The following DNAH7 variants were observed in gnomAD, a reference collection of about 807,000 sequenced individuals.
DNAH7 encodes dynein axonemal heavy chain 7, also known as axonemal beta dynein heavy chain 7.
Under a neutral mutation model 444.6 loss-of-function variants are expected in DNAH7, and 397 were observed. That is an observed-to-expected ratio of 0.89 (90% CI 0.82 to 0.97). DNAH7 has a LOEUF of 0.97. Ranked by LOEUF, DNAH7 falls within the 50% of genes least tolerant of loss-of-function variation. The pLI, the probability that DNAH7 is intolerant of heterozygous loss-of-function variation, is 0.00. For missense variants in DNAH7, 4,902 were observed against 4,800.8 expected, an observed-to-expected ratio of 1.02 and a Z score of -0.62; for synonymous variants, 1,636 against 1,624.4, an observed-to-expected ratio of 1.01 and a Z score of -0.17.
Position 195,809,762 on chromosome 2 carries a change from G to A in DNAH7, c.9871C>T (p.Leu3291=). 1 of 1,594,378 alleles carries A rather than the reference G, an allele frequency of 6.3e-7. No homozygotes were observed. The highest frequency in any genetic ancestry group is 1.7e-4 in the Middle Eastern group (1 of 5,984). The part of the protein sequence containing the change: ...LFSFCLTINL[L]LHERAINKAE... ...GTACTGACCGCCCGCTCATGCAGCAGTAGATTTATGGTTAGACAAAAGGAA... is the reference window on the plus strand; with the variant it reads ...GTACTGACCGCCCGCTCATGCAGCAATAGATTTATGGTTAGACAAAAGGAA... Residue 3291 remains leucine (L), a synonymous_variant, in exon 52 of 65, where the codon CTG becomes TTG. Coordinates refer to ENST00000312428, the MANE Select transcript of DNAH7 (RefSeq NM_018897.3).
At chr2:195,747,307 T>A (rs1391808414) in intron 63 of DNAH7, among the ~76,000 whole-genome samples, 3 of 152,080 alleles carry the variant, frequency 2.0e-5, no homozygotes, top group Admixed American at 2.0e-4. Context: ...AGGAAGAAGT[T>A]GAATCTCTGA....
At chr2:195,847,826 C>T (rs146370457) in intron 46 of DNAH7, among the ~76,000 whole-genome samples, 1 of 152,048 alleles carries the variant, frequency 6.6e-6, no homozygotes, top group East Asian at 1.9e-4. Flanking sequence ...ACATGCCCTG[C>T]GAGTGGCTAC....
intron 54 of DNAH7, among the ~76,000 whole-genome samples, chr2:195,801,246 T>C (rs1466461491): frequency 1.3e-5 from 2 of 152,126 alleles, no homozygotes; most frequent in African/African-American, 4.8e-5. Context: ...CTAATTTCAA[T>C]TTCTCGTCTA....
intron 21 of DNAH7, among the ~76,000 whole-genome samples, chr2:195,932,696 G>T (rs1214736573): frequency 6.6e-6 from 1 of 152,032 alleles, no homozygotes; most frequent in East Asian, 1.9e-4. Flanking sequence ...TTTGTCGTTG[G>T]TTCTGTTTAT....
intron 10 of DNAH7, among the ~76,000 whole-genome samples, chr2:196,008,608 T>C (rs1447246092): frequency 6.6e-6 from 1 of 152,204 alleles, no homozygotes; most frequent in African/African-American, 2.4e-5. Flanking sequence ...CATGAGAAGA[T>C]ATGACATATT....
intron 2 of DNAH7, among the ~76,000 whole-genome samples, chr2:196,051,628 G>T (rs113939696): frequency 4.8e-4 from 73 of 152,114 alleles, no homozygotes; most frequent in African/African-American, 1.7e-3. Context: ...TTAGCCGGGC[G>T]TGGTGGTGGG....
intron 10 of DNAH7, among the ~76,000 whole-genome samples, chr2:196,005,170 A>G (rs1056255817): frequency 6.6e-6 from 1 of 151,846 alleles, no homozygotes; most frequent in Non-Finnish European, 1.5e-5. Context: ...GCTACTCAGG[A>G]GGCTGAGGTG....
Position 195,923,665 on chromosome 2 carries a change from G to A in DNAH7, c.3755C>T (p.Ser1252Leu). The change falls in exon 23 of 65, where the codon TCA becomes TTA. Residue 1252 changes from serine (S) to leucine (L), a missense_variant. By Grantham distance (145) the Ser-to-Leu change is moderately radical. Coordinates refer to ENST00000312428, the MANE Select transcript of DNAH7 (RefSeq NM_018897.3). The part of the protein sequence containing the change: ...LDVHARDVLS[S>L]LVKKNISDDS... ...ATCGCTAATATTTTTTTTTACAAGTGATGAGAGGACATCTCTAGCATGGAC... is the reference window on the plus strand; with the variant it reads ...ATCGCTAATATTTTTTTTTACAAGTAATGAGAGGACATCTCTAGCATGGAC... 1 of 1,614,056 alleles carries A rather than the reference G, an allele frequency of 6.2e-7. No homozygotes were observed. The highest frequency in any genetic ancestry group is 8.5e-7 in the Non-Finnish European group (1 of 1,179,994).
chr2:195,861,135 T>C (rs1699992106), intron 42 of DNAH7, among the ~76,000 whole-genome samples: 1 of 152,176 alleles, frequency 6.6e-6, no homozygotes, highest in South Asian at 2.1e-4. Flanking sequence ...TGTTCCAAAC[T>C]TCCTACTTTC....
chr2:195,903,403 T>A lies in DNAH7; in HGVS notation c.4336-2909A>T, dbSNP rs984550095. 2.0e-5 allele frequency: 3 copies of A among 152,150 alleles called. No individual in the cohort carries two copies. The East Asian group carries it at 5.8e-4, about 29-fold the overall frequency. The allele number at this position is 152,150 out of a possible 1,614,324, so 9.4% of individuals were successfully genotyped here. On this transcript the variant is annotated intron_variant, in intron 27 of 64. Transcript: ENST00000312428. ...TTTTCCCCTCAATACTATTAGTGTT[T>A]CACCCTACATATACTCTGAAAAGCT... is the stretch of plus-strand genomic sequence containing the variant.
intron 55 of DNAH7, among the ~76,000 whole-genome samples, chr2:195,798,915 G>A (rs894001423): frequency 3.3e-5 from 5 of 152,202 alleles, no homozygotes; most frequent in East Asian, 3.9e-4. Context: ...AAGGCCCCCC[G>A]TTAGAGAGTG....
rs1700212449 is a variant in DNAH7, at chr2:195,864,633, C to T, written c.7022G>A (p.Gly2341Glu). 6.2e-7 allele frequency: 1 copy of T among 1,614,046 alleles called. No homozygotes were observed. Among genetic ancestry groups the T allele is most frequent in the African/African-American group, 1.3e-5 (1 of 74,920 alleles). ...AGACTGCCTTCCACTCCCTCCAACC[C>T]CTACTAGGAGAGCATGGCTGCGAGG... Reference protein sequence around the residue: ...KQPRSHALLVGVGGSGRQSVT... With the variant: ...KQPRSHALLVEVGGSGRQSVT... Residue 2341 changes from glycine (G) to glutamate (E), a missense_variant, in exon 41 of 65, where the codon GGG becomes GAG. Coordinates refer to ENST00000312428, the MANE Select transcript of DNAH7 (RefSeq NM_018897.3).
intron 22 of DNAH7, 69 bp downstream of exon 22, chr2:195,926,357 T>C (rs1688332759): frequency 1.6e-6 from 2 of 1,275,642 alleles, no homozygotes; most frequent in South Asian, 5.1e-5. Context: ...GTTTTTAAAA[T>C]AAGTGTATTC....
intron 5 of DNAH7, among the ~76,000 whole-genome samples, chr2:196,040,559 G>A (rs948384235): frequency 6.6e-6 from 1 of 152,058 alleles, no homozygotes; most frequent in African/African-American, 2.4e-5. Context: ...CCTTGGTACA[G>A]AAGGAACATA....
chr2:195,969,904 T>A, intron 17 of DNAH7, 44 bp downstream of exon 17: 1 of 1,570,802 alleles, frequency 6.4e-7, no homozygotes, highest in Non-Finnish European at 8.6e-7. Flanking sequence ...TCAATGCTTT[T>A]TCAATTGAAC....
At chr2:196,002,294 ATT>A (rs1694084321) in intron 10 of DNAH7, among the ~76,000 whole-genome samples, 1 of 151,592 alleles carries the variant, frequency 6.6e-6, no homozygotes, top group East Asian at 2.1e-4. Context: ...GTTTCATGCT[ATT>A]CTATCTGTTT....
chr2:196,055,593 A>G (rs543471354), intron 2 of DNAH7, among the ~76,000 whole-genome samples: 2 of 152,226 alleles, frequency 1.3e-5, no homozygotes, highest in Non-Finnish European at 2.9e-5. Context: ...TTTCAAGCTA[A>G]CAGGTGCAAT....
chr2:196,001,545 T>C, intron 11 of DNAH7, 130 bp downstream of exon 11: 4 of 862,072 alleles, frequency 4.6e-6, no homozygotes, highest in Non-Finnish European at 6.4e-6. Flanking sequence ...TTTTTTCTTT[T>C]AAGATAAGTG....
chr2:195,959,641 ACT>A (rs1305147453), intron 18 of DNAH7, among the ~76,000 whole-genome samples: 3 of 152,150 alleles, frequency 2.0e-5, no homozygotes, highest in African/African-American at 7.2e-5. Flanking sequence ...ATTTTGATGG[ACT>A]CTGTTTTTTT....
Sources: allele counts gnomAD v4.1 joint callset (sites outside exome capture counted in the v4.1 genomes callset), GRCh38; gene constraint gnomAD v4.1.1; transcripts MANE v1.5; gene names NCBI Gene and HGNC (gene_info 2026-07-23, HGNC 2026-07-21).